NEBL: variants seen among roughly 807,000 people sequenced by gnomAD.
The protein encoded by NEBL is nebulette, also known as LIM and SH3 protein 2.
A neutral mutation model predicts 140.2 loss-of-function variants in NEBL; 122 were observed. That is an observed-to-expected ratio of 0.87 (90% CI 0.75 to 1.01). The LOEUF (loss-of-function observed/expected upper bound fraction) is 1.01. NEBL is among the 50% of genes least tolerant of loss of function. The probability of loss-of-function intolerance (pLI) is 0.00; values close to 1 mark genes in which losing one functional copy is unlikely to be tolerated. For missense variants in NEBL, 1,365 were observed against 1,231.3 expected, an observed-to-expected ratio of 1.11 and a Z score of -1.62; for synonymous variants, 436 against 398.9, an observed-to-expected ratio of 1.09 and a Z score of -1.11.
upstream of NEBL, chr10:21,174,872 C>A (rs1460366338): frequency 8.5e-5 from 13 of 152,222 alleles, no homozygotes; most frequent in Admixed American, 8.5e-4. Context: ...CATTTTAGGC[C>A]CGAGTCGAGC....
At chr10:21,202,381 A>G (rs1412005005) in intron 3 of NEBL, among the ~76,000 whole-genome samples, 1 of 151,986 alleles carries the variant, frequency 6.6e-6, no homozygotes, top group East Asian at 1.9e-4. Context: ...CCTGCGTTCT[A>G]GAAATACACA....
intron 4 of NEBL, among the ~76,000 whole-genome samples, chr10:20,933,873 G>C (rs1382000959): frequency 6.6e-5 from 10 of 152,180 alleles, no homozygotes; most frequent in Non-Finnish European, 2.9e-5. Flanking sequence ...TTCTTATCTT[G>C]GGGAGATGAG....
chr10:20,918,472 C>T (rs1433991174), intron 4 of NEBL, among the ~76,000 whole-genome samples: 1 of 152,178 alleles, frequency 6.6e-6, no homozygotes, highest in Admixed American at 6.5e-5. Context: ...AAGATTGCAT[C>T]TTCAGATGAG....
Position 20,930,073 on chromosome 10 carries a change from C to T in NEBL, c.357+31599G>A, listed in dbSNP as rs78937391. Among the ~76,000 whole-genome samples, 452 of 152,248 alleles carry T rather than the reference C, an allele frequency of 3.0e-3. 3 individuals carry two copies. Among genetic ancestry groups the T allele is most frequent in the African/African-American group, 0.011 (438 of 41,540 alleles). Reference sequence around the variant, plus strand: ...GACGACTCTCACATTTATGCCTCTTCTCTGCCTTCTCCCCTGAGTTTCACA... The same window carrying T: ...GACGACTCTCACATTTATGCCTCTTTTCTGCCTTCTCCCCTGAGTTTCACA... On this transcript the variant is annotated intron_variant, in intron 4 of 6. Coordinates refer to the NEBL transcript ENST00000417816.
chr10:21,017,821 CTTTT>C (rs149030323), intron 3 of NEBL, among the ~76,000 whole-genome samples: 1 of 140,336 alleles, frequency 7.1e-6, no homozygotes, highest in Admixed American at 7.2e-5. Context: ...TGATTCTTCT[CTTTT>C]TTTTTTTTTT....
intron 3 of NEBL, among the ~76,000 whole-genome samples, chr10:21,016,534 T>C (rs1213045346): frequency 1.3e-5 from 2 of 152,200 alleles, no homozygotes; most frequent in Non-Finnish European, 2.9e-5. Flanking sequence ...TTGGAAAATA[T>C]ATTTCGATTT....
At position 20,835,876 on chromosome 10, in the gene NEBL, A is replaced by C. The variant is rs537215864; in HGVS notation, c.1339-253T>G. On this transcript the variant is annotated intron_variant, in intron 13 of 27. Transcript: ENST00000377122. ...AGGCAATTGCCATGTGAAAATCTTC[A>C]CTGACAATTTTCTTTGGGGCTGGAG... Among the ~76,000 whole-genome samples the C allele has an allele frequency of 9.9e-5, 15 of 152,268 alleles. No homozygotes were observed. In the South Asian group the frequency reaches 2.5e-3, roughly 25 times the overall value.
intron 3 of NEBL, among the ~76,000 whole-genome samples, chr10:21,216,965 G>A (rs935619356): frequency 6.6e-6 from 1 of 151,124 alleles, no homozygotes. Flanking sequence ...TCCAGCCTGG[G>A]AGACAGAGCA....
chr10:21,176,947 C>T (rs1841310532), upstream of NEBL, among the ~76,000 whole-genome samples: 1 of 152,184 alleles, frequency 6.6e-6, no homozygotes, highest in Non-Finnish European at 1.5e-5. Context: ...ATAAATTGAA[C>T]TCCAAATAAA....
At chr10:21,083,363 C>T (rs1213989551) in intron 2 of NEBL, among the ~76,000 whole-genome samples, 2 of 152,192 alleles carry the variant, frequency 1.3e-5, no homozygotes, top group African/African-American at 2.4e-5. Flanking sequence ...TCTGGGCACT[C>T]ATCATGTCCC....
chr10:21,260,724 C>A (rs2132280372), intron 1 of NEBL, among the ~76,000 whole-genome samples: 1 of 152,310 alleles, frequency 6.6e-6, no homozygotes. Context: ...AGCTCCTACT[C>A]AGGACCTGGC....
At chr10:21,089,426 T>C (rs115600826) in intron 2 of NEBL, among the ~76,000 whole-genome samples, 5,808 of 152,118 alleles carry the variant, frequency 0.038, 164 homozygotes, top group African/African-American at 0.086. Flanking sequence ...ACACGCAGCA[T>C]GGAGGATTTC....
chr10:21,252,824 G>A (rs776379108), intron 1 of NEBL, among the ~76,000 whole-genome samples: 6 of 152,064 alleles, frequency 3.9e-5, no homozygotes, highest in African/African-American at 7.2e-5. Context: ...GCATGGTGGC[G>A]CATGCCTGTA....
At chr10:20,921,662 ACTCT>A (rs1217570688) in intron 4 of NEBL, among the ~76,000 whole-genome samples, 5 of 151,976 alleles carry the variant, frequency 3.3e-5, no homozygotes, top group Non-Finnish European at 7.4e-5. Context: ...AGCTCTGCAA[ACTCT>A]CTTTATTTGC....
At chr10:20,872,719 A>G (rs1025485233) in intron 5 of NEBL, among the ~76,000 whole-genome samples, 2 of 152,198 alleles carry the variant, frequency 1.3e-5, no homozygotes, top group African/African-American at 4.8e-5. Flanking sequence ...GAAGCCAGCT[A>G]AAACCCACCA....
At chr10:20,866,216 A>G (rs1246895258) in intron 7 of NEBL, among the ~76,000 whole-genome samples, 1 of 152,094 alleles carries the variant, frequency 6.6e-6, no homozygotes, top group Non-Finnish European at 1.5e-5. Context: ...CATTCTGGGA[A>G]GGGGGCGTTG....
intron 2 of NEBL, among the ~76,000 whole-genome samples, chr10:21,076,590 G>A (rs1036920926): frequency 6.6e-6 from 1 of 150,474 alleles, no homozygotes; most frequent in Non-Finnish European, 1.5e-5. Context: ...GACCACAACA[G>A]ATAAAAGGCA....
intron 2 of NEBL, among the ~76,000 whole-genome samples, chr10:20,890,937 A>C (rs990085122): frequency 2.0e-5 from 3 of 152,244 alleles, no homozygotes; most frequent in African/African-American, 4.8e-5. Context: ...TTATCCTCCC[A>C]AGACCATAAA....
chr10:21,062,655 C>A (rs1443861259), intron 2 of NEBL, among the ~76,000 whole-genome samples: 1 of 151,972 alleles, frequency 6.6e-6, no homozygotes, highest in East Asian at 1.9e-4. Context: ...CCACTGTATT[C>A]CAGCCTGGGT....
Sources: gnomAD v4.1 joint callset for allele counts (sites outside exome capture counted in the v4.1 genomes callset) on GRCh38, gnomAD v4.1.1 for gene constraint, MANE v1.5 for transcripts, NCBI Gene and HGNC (gene_info 2026-07-23, HGNC 2026-07-21) for gene names.